Variants in DCTN1 observed in about 807,000 individuals in gnomAD.
DCTN1 encodes dynactin subunit 1, also known as 150 kDa dynein-associated polypeptide.
DCTN1 carries 61 observed loss-of-function variants against 161.2 expected under a neutral mutation model. The ratio of observed to expected loss-of-function variants is 0.38; its 90% CI spans 0.31 to 0.47. DCTN1 has a LOEUF of 0.47. Among genes scored for constraint, DCTN1 ranks in the 20% least tolerant of loss-of-function variants. The pLI is 0.99. For missense variants in DCTN1, 1,404 were observed against 1,623.7 expected (o/e 0.86, Z 2.33); for synonymous variants, 653 against 632.4 (o/e 1.03, Z -0.49).
chr2:74,378,014 C>T lies in DCTN1; in HGVS notation c.265G>A (p.Val89Met). ...FTCDEGHGIF[V>M]RQSQIQVFED... Reference sequence around the variant, plus strand: ...GGCGTGAATACCTGGGACTGGCGCACAAAGATGCCATGCCCTTCATCACAA... The same window carrying T: ...GGCGTGAATACCTGGGACTGGCGCATAAAGATGCCATGCCCTTCATCACAA... The change falls in exon 2 of 32, where the codon GTG becomes ATG. Residue 89 changes from valine to methionine, a missense_variant. Transcript: ENST00000628224. The T allele has an allele frequency of 6.2e-7, 1 of 1,614,264 alleles. No individual in the cohort carries two copies. Among genetic ancestry groups the T allele is most frequent in the Non-Finnish European group, 8.5e-7 (1 of 1,180,044 alleles).
intron 15 of DCTN1, 51 bp from the exon 16 acceptor site, chr2:74,368,931 A>G (rs776793976): frequency 1.2e-6 from 2 of 1,609,136 alleles, no homozygotes; most frequent in South Asian, 2.2e-5. Context: ...AAAGAGCCCC[A>G]AAATTCCCAT....
In DCTN1 at chr2:74,361,635, G is replaced by A. The variant is rs1200946425; in HGVS notation, c.3701C>T (p.Ala1234Val). 2 of 1,614,100 alleles carry A rather than the reference G, an allele frequency of 1.2e-6. No individual in the cohort carries two copies. The highest frequency in any genetic ancestry group is 1.1e-5 in the South Asian group (1 of 91,078). ...ATFPSSAFLR[A>V]KEEQQDDTVY... ...TGTGTCATCCTGCTGCTCCTCCTTG[G>A]CCTGGTGGTTGATGAGGAGAAAAAG... is the stretch of plus-strand genomic sequence containing the variant. The change falls in exon 32 of 32, where the codon GCC (alanine) becomes GTC (valine). Residue 1234 changes from alanine (A) to valine (V), a missense_variant and splice_region_variant. Physicochemically the swap from Ala to Val is moderately conservative, Grantham distance 64. Transcript: ENST00000628224.
At position 74,377,614 on chromosome 2, in the gene DCTN1, T is replaced by C. The variant is rs190210926; in HGVS notation, c.358+34A>G. The C allele has an allele frequency of 1.1e-5, 18 of 1,587,716 alleles. No homozygotes were observed. The Admixed American group carries it at 3.0e-4, about 26-fold the overall frequency. On this transcript the variant is annotated intron_variant, in intron 3 of 31. Coordinates refer to ENST00000628224, the MANE Select transcript of DCTN1 (RefSeq NM_004082.5). The stretch of plus-strand genomic sequence containing the variant: ...AGAAGTCCTGGGGACTCCTCCTGGC[T>C]ATGGGGAGGCAACTTTAAGTGGGTG...
chr2:74,368,663 C>T, intron 16 of DCTN1, 65 bp downstream of exon 16: 1 of 1,611,456 alleles, frequency 6.2e-7, no homozygotes, highest in Non-Finnish European at 8.5e-7. Flanking sequence ...CACTCAGCAT[C>T]TTCAATGCCT....
At chr2:74,364,865 G>A in intron 26 of DCTN1, 1 of 627,438 alleles carries the variant, frequency 1.6e-6, no homozygotes, top group African/African-American at 1.8e-5. Context: ...TAACAATTTA[G>A]TAATGCCCTC....
intron 1 of DCTN1, among the ~76,000 whole-genome samples, chr2:74,389,006 T>C (rs1371134992): frequency 6.6e-6 from 1 of 152,122 alleles, no homozygotes; most frequent in Non-Finnish European, 1.5e-5. Context: ...CTAGGTCCTA[T>C]GGAATTTGGT....
At position 74,367,680 on chromosome 2, in the gene DCTN1, A is replaced by G. The variant is rs569994523; in HGVS notation, c.2184+16T>C. ...TTCCCTGCCTCCTGCCCCAAGCCCAAATTCTTGCCCCACACCTGATAGTAC... is the reference window on the plus strand; with the variant it reads ...TTCCCTGCCTCCTGCCCCAAGCCCAGATTCTTGCCCCACACCTGATAGTAC... On this transcript the variant is annotated intron_variant, in intron 18 of 31. Coordinates refer to ENST00000628224, the MANE Select transcript of DCTN1 (RefSeq NM_004082.5). 4.1e-5 allele frequency: 66 copies of G among 1,613,990 alleles called. No homozygotes were observed. Among genetic ancestry groups the G allele is most frequent in the Middle Eastern group, 1.7e-4 (1 of 6,054 alleles).
At position 74,363,613 on chromosome 2, in the gene DCTN1, C is replaced by T; in HGVS notation, c.3211+1G>A. On this transcript the variant is annotated splice_donor_variant, in intron 27 of 31. Transcript: ENST00000628224. LOFTEE classifies it high-confidence loss of function. ...AACCCCCGGCCAGAGTGGGTCTCTA[C>T]CTCGCTGCTGTTCTTCTGTGCTCGG... The T allele has an allele frequency of 1.2e-6, 2 of 1,613,758 alleles. No individual in the cohort carries two copies. The highest frequency in any genetic ancestry group is 1.7e-6 in the Non-Finnish European group (2 of 1,179,880).
In DCTN1 at chr2:74,380,257, G is replaced by C; in HGVS notation, c.-220C>G. On this transcript the variant is annotated 5_prime_UTR_variant, in exon 1 of 32. In the 5' UTR this introduces an upstream ATG that the reference lacks. Coordinates refer to ENST00000628224, the MANE Select transcript of DCTN1 (RefSeq NM_004082.5). ...GAGCAAGTCCCCTCTGCTGCCTGAG[G>C]ATTCCTGAACCCAGAGACACAGAAT... 1 of 634,296 alleles carries C rather than the reference G, an allele frequency of 1.6e-6. No individual in the cohort carries two copies. Among genetic ancestry groups the C allele is most frequent in the East Asian group, 2.8e-5 (1 of 35,762 alleles). 39.3% of individuals were successfully genotyped at this position (634,296 alleles called of 1,614,324 possible).
rs369606521 is a variant in DCTN1 at position 74,368,708 on chromosome 2, A to T, written c.1854+20T>A. ...CAAGTTCACTAGATTTCTGTGGAAC[A>T]TGTGATTGATTGGCCATACCTTGCA... On this transcript the variant is annotated intron_variant, in intron 16 of 31. Transcript: ENST00000628224. 945 of 1,614,248 alleles carry T rather than the reference A, an allele frequency of 5.9e-4. 2 individuals are homozygous for T. Among genetic ancestry groups the T allele is most frequent in the Non-Finnish European group, 7.3e-4 (862 of 1,180,042 alleles).
At chr2:74,373,338 C>A in intron 6 of DCTN1, 1 of 330,288 alleles carries the variant, frequency 3.0e-6, no homozygotes. Flanking sequence ...AGAGGCCCCG[C>A]CCAGCCACCA....
Position 74,365,992 on chromosome 2 carries a change from A to C in DCTN1, c.2787T>G (p.Ala929=). 1 of 1,614,260 alleles carries C rather than the reference A, an allele frequency of 6.2e-7. No individual in the cohort carries two copies. Among genetic ancestry groups the C allele is most frequent in the Non-Finnish European group, 8.5e-7 (1 of 1,180,044 alleles). ...CATCTGTGATCTCTGCACGAAGGGC[A>C]GCAGCCCGCAGTTCAACCGGTGGAG... ...SKPPPVELRA[A]ALRAEITDAE... is the part of the protein sequence containing the mutation. Residue 929 remains alanine, a synonymous_variant, in exon 24 of 32, where the codon GCT becomes GCG. Coordinates refer to ENST00000628224, the MANE Select transcript of DCTN1 (RefSeq NM_004082.5).
At chr2:74,367,489 G>T in intron 18 of DCTN1, 69 bp from the exon 19 acceptor site, 1 of 1,575,986 alleles carries the variant, frequency 6.3e-7, no homozygotes, top group Non-Finnish European at 8.7e-7. Flanking sequence ...CCAAACTGTA[G>T]TTTGAGCCCT....
In DCTN1 at chr2:74,370,763, A is replaced by G. The variant is rs1310660767; in HGVS notation, c.906T>C (p.Asp302=). 6.2e-7 allele frequency: 1 copy of G among 1,614,074 alleles called. No individual in the cohort carries two copies. Among genetic ancestry groups the G allele is most frequent in the Non-Finnish European group, 8.5e-7 (1 of 1,180,044 alleles). The change falls in exon 10 of 32, where the codon GAT becomes GAC. Residue 302 remains aspartate (D), a synonymous_variant. Coordinates refer to ENST00000628224, the MANE Select transcript of DCTN1 (RefSeq NM_004082.5). The surrounding 1 kb of genome is among the most constrained non-coding windows in gnomAD (Gnocchi z 4.4). ...RYMEEMADTA[D]AIEMATLDKE... ...TGTCCAAAGTGGCCATCTCAATGGCATCAGCAGTATCAGCCATCTCCTCCA... is the reference window on the plus strand; with the variant it reads ...TGTCCAAAGTGGCCATCTCAATGGCGTCAGCAGTATCAGCCATCTCCTCCA...
At chr2:74,364,909 CG>C in intron 26 of DCTN1, 165 bp downstream of exon 26, 1 of 819,072 alleles carries the variant, frequency 1.2e-6, no homozygotes, top group Non-Finnish European at 2.0e-6. Context: ...ACATCTTCAG[CG>C]GAAGGGAAAA....
intron 24 of DCTN1, 87 bp downstream of exon 24, chr2:74,365,806 G>C: frequency 6.2e-7 from 1 of 1,612,908 alleles, no homozygotes; most frequent in Non-Finnish European, 8.5e-7. Context: ...CTCCCAAGCC[G>C]TCTTGGTCCC....
Position 74,370,274 on chromosome 2 carries a change from T to G in DCTN1, c.1199A>C (p.Gln400Pro). 6.2e-7 allele frequency: 1 copy of G among 1,614,122 alleles called. No homozygotes were observed. Among genetic ancestry groups the G allele is most frequent in the Non-Finnish European group, 8.5e-7 (1 of 1,180,040 alleles). Residue 400 changes from glutamine (Q) to proline (P), a missense_variant, in exon 12 of 32, where the codon CAA (glutamine) becomes CCA (proline). Physicochemically the swap from Gln to Pro is moderately conservative, Grantham distance 76 (BLOSUM62 -1). This residue lies in a region of DCTN1 where 278 missense variants were observed against 363.8 expected (regional missense o/e 0.76). Coordinates refer to ENST00000628224, the MANE Select transcript of DCTN1 (RefSeq NM_004082.5). This position sits in a 1 kb window ranked among gnomAD's most constrained non-coding sequence, Gnocchi z 4.4. The stretch of plus-strand genomic sequence containing the variant: ...CTGTTGCCTCACAACTTCCAGCTCT[T>G]GGTTCTTCTTTTCCATGAGCTTCTG... Reference protein sequence around the residue: ...KLQKLMEKKNQELEVVRQQRE... With the variant: ...KLQKLMEKKNPELEVVRQQRE...
rs2104417915 is a variant in DCTN1 at position 74,366,921 on chromosome 2, C to T, written c.2328G>A (p.Glu776=). The T allele has an allele frequency of 6.2e-7, 1 of 1,614,216 alleles. No homozygotes were observed. The highest frequency in any genetic ancestry group is 1.7e-5 in the Admixed American group (1 of 60,024). The change falls in exon 21 of 32, where the codon GAG becomes GAA. Residue 776 remains glutamate, a synonymous_variant. Coordinates refer to ENST00000628224, the MANE Select transcript of DCTN1 (RefSeq NM_004082.5). Reference sequence around the variant, plus strand: ...GGAGCAGGAGGGCAATATCTGTAGCCTCCTGCCCACCCTACTCAGGAAAAA... The same window carrying T: ...GGAGCAGGAGGGCAATATCTGTAGCTTCCTGCCCACCCTACTCAGGAAAAA... ...RLRAFLQGGQ[E]ATDIALLLRD... is the part of the protein sequence containing the mutation.
intron 5 of DCTN1, 184 bp from the exon 6 acceptor site, chr2:74,374,524 C>G: frequency 7.0e-7 from 1 of 1,422,620 alleles, no homozygotes; most frequent in Non-Finnish European, 9.3e-7. Context: ...CTCAGCCTCC[C>G]GGTGCGGCAG....
Sources: gnomAD v4.1 joint callset for allele counts (sites outside exome capture counted in the v4.1 genomes callset) on GRCh38, gnomAD v4.1.1 for gene constraint, gnomAD v4.1.1 regional missense constraint, Gnocchi (gnomAD v3.1) non-coding constraint, MANE v1.5 for transcripts, NCBI Gene and HGNC (gene_info 2026-07-23, HGNC 2026-07-21) for gene names.